The following PLPPR1 variants were observed in gnomAD, a reference collection of about 807,000 sequenced individuals.
PLPPR1 encodes the protein phospholipid phosphatase related 1.
PLPPR1 carries 10 observed loss-of-function variants against 33.1 expected under a neutral mutation model. The ratio of observed to expected loss-of-function variants is 0.30; its 90% CI spans 0.19 to 0.51. The LOEUF is 0.51. Among genes scored for constraint, PLPPR1 ranks in the 20% least tolerant of loss-of-function variants. The pLI is 0.97. For missense variants in PLPPR1, 304 were observed against 408.1 expected, an observed-to-expected ratio of 0.74 and a Z score of 2.20; for synonymous variants, 151 against 151.0, an observed-to-expected ratio of 1.00 and a Z score of 0.00.
chr9:101,034,796 T>A (rs1829990154), intron 1 of PLPPR1, among the ~76,000 whole-genome samples: 1 of 151,426 alleles, frequency 6.6e-6, no homozygotes, highest in Admixed American at 6.6e-5. Context: ...GGTGTGCTTT[T>A]GCATTCATTA....
intron 2 of PLPPR1, among the ~76,000 whole-genome samples, chr9:101,203,716 C>G (rs907850916): frequency 1.3e-4 from 5 of 38,582 alleles, no homozygotes; most frequent in Non-Finnish European, 2.7e-4. Context: ...TCTATATACA[C>G]ATTATATAGA....
chr9:101,198,141 C>T (rs533171944), intron 2 of PLPPR1, among the ~76,000 whole-genome samples: 15 of 152,240 alleles, frequency 9.9e-5, no homozygotes, highest in African/African-American at 3.4e-4. Flanking sequence ...ACTATATTTT[C>T]TACATATACT....
At chr9:101,158,067 T>C (rs1831719802) in intron 1 of PLPPR1, among the ~76,000 whole-genome samples, 1 of 152,176 alleles carries the variant, frequency 6.6e-6, no homozygotes, top group South Asian at 2.1e-4. Flanking sequence ...GAAGATGGTT[T>C]CTACAGTGTT....
At chr9:101,138,755 C>G (rs1309713525) in intron 1 of PLPPR1, among the ~76,000 whole-genome samples, 1 of 152,174 alleles carries the variant, frequency 6.6e-6, no homozygotes, top group African/African-American at 2.4e-5. Context: ...TTATCACCCT[C>G]CAGTGACAGA....
At chr9:101,304,884 G>A (rs753651487) in intron 4 of PLPPR1, among the ~76,000 whole-genome samples, 6 of 152,140 alleles carry the variant, frequency 3.9e-5, no homozygotes, top group Non-Finnish European at 8.8e-5. Context: ...ACGCTCTCCA[G>A]AACACGTGGA....
chr9:101,108,073 G>A (rs550884634), intron 1 of PLPPR1, among the ~76,000 whole-genome samples: 2 of 150,574 alleles, frequency 1.3e-5, no homozygotes, highest in Admixed American at 6.6e-5. Context: ...AGATGAACCC[G>A]GTACCTCAGA....
intron 1 of PLPPR1, among the ~76,000 whole-genome samples, chr9:101,078,158 GAAGAAGAAGAAGAAGAAGAAGAAGAA>G (rs1830566597): frequency 3.2e-5 from 1 of 31,080 alleles, no homozygotes; most frequent in South Asian, 2.5e-3. Flanking sequence ...AGAAGAAGAA[GAAGAAGAAGAAGAAGAAGAAGAAGAA>G]GAGGAGGGGG....
chr9:101,199,484 A>C (rs907793541), intron 2 of PLPPR1, among the ~76,000 whole-genome samples: 4 of 152,146 alleles, frequency 2.6e-5, no homozygotes, highest in African/African-American at 9.7e-5. Flanking sequence ...TCAGCAGACC[A>C]TGTGTTAGAA....
intron 7 of PLPPR1, among the ~76,000 whole-genome samples, chr9:101,318,287 A>T (rs1407820541): frequency 6.6e-6 from 1 of 152,218 alleles, no homozygotes; most frequent in African/African-American, 2.4e-5. Context: ...AGGGGAAAAA[A>T]ATCTACTCCA....
intron 7 of PLPPR1, among the ~76,000 whole-genome samples, chr9:101,323,350 C>T (rs1829190767): frequency 6.6e-6 from 1 of 151,546 alleles, no homozygotes; most frequent in South Asian, 2.1e-4. Flanking sequence ...TAAAAGTTAA[C>T]CAGGCATGGT....
At chr9:101,263,005 T>A (rs655897) in intron 2 of PLPPR1, among the ~76,000 whole-genome samples, 1 of 152,086 alleles carries the variant, frequency 6.6e-6, no homozygotes, top group East Asian at 1.9e-4. Flanking sequence ...GGCCTGTCAG[T>A]GGGTAGGGGC....
intron 5 of PLPPR1, among the ~76,000 whole-genome samples, chr9:101,311,020 T>A (rs1054337375): frequency 6.6e-6 from 1 of 152,214 alleles, no homozygotes; most frequent in Non-Finnish European, 1.5e-5. Flanking sequence ...ATCCAACATA[T>A]TTTCAAATTT....
intron 1 of PLPPR1, among the ~76,000 whole-genome samples, chr9:101,082,499 A>G (rs1174698358): frequency 6.6e-6 from 1 of 152,128 alleles, no homozygotes; most frequent in South Asian, 2.1e-4. Context: ...ATGTTATTGC[A>G]TATGGTGAAT....
chr9:101,119,673 A>T (rs1588035990), intron 1 of PLPPR1, among the ~76,000 whole-genome samples: 1 of 152,262 alleles, frequency 6.6e-6, no homozygotes, highest in East Asian at 1.9e-4. Context: ...GCCTAACACC[A>T]TAACAATAAT....
chr9:101,052,410 T>A (rs1262912922), intron 1 of PLPPR1, among the ~76,000 whole-genome samples: 1 of 152,160 alleles, frequency 6.6e-6, no homozygotes, highest in African/African-American at 2.4e-5. Flanking sequence ...CTGCTACACA[T>A]CCTGCAATGC....
chr9:101,243,343 A>T (rs1564013808), intron 2 of PLPPR1, among the ~76,000 whole-genome samples: 1 of 152,050 alleles, frequency 6.6e-6, no homozygotes, highest in Non-Finnish European at 1.5e-5. Context: ...GACCAGAGCA[A>T]GACCCAAAGT....
intron 4 of PLPPR1, among the ~76,000 whole-genome samples, chr9:101,287,718 C>T (rs1423135178): frequency 6.6e-6 from 1 of 152,096 alleles, no homozygotes; most frequent in Non-Finnish European, 1.5e-5. Context: ...CCAAGCTGGT[C>T]TTGGACTCCT....
At chr9:101,120,203 A>G (rs1041301305) in intron 1 of PLPPR1, among the ~76,000 whole-genome samples, 1 of 152,202 alleles carries the variant, frequency 6.6e-6, no homozygotes, top group Non-Finnish European at 1.5e-5. Context: ...ATCTCTCACA[A>G]TTTATTTTCC....
intron 2 of PLPPR1, among the ~76,000 whole-genome samples, chr9:101,250,220 T>C (rs897127985): frequency 6.6e-6 from 1 of 152,050 alleles, no homozygotes; most frequent in Non-Finnish European, 1.5e-5. Flanking sequence ...CTGGGACTAA[T>C]TCTGTCATGC....
Sources: gnomAD v4.1 joint callset for allele counts (sites outside exome capture counted in the v4.1 genomes callset) on GRCh38, gnomAD v4.1.1 for gene constraint, MANE v1.5 for transcripts, NCBI Gene and HGNC (gene_info 2026-07-23, HGNC 2026-07-21) for gene names.